ASCC1: variants seen among roughly 807,000 people sequenced by gnomAD.
The protein encoded by ASCC1 is activating signal cointegrator 1 complex subunit 1.
In ASCC1, 35 loss-of-function variants were observed where a neutral mutation model predicts 46.6. The observed-to-expected ratio is 0.75, with a 90% CI of 0.57 to 0.99. The LOEUF (loss-of-function observed/expected upper bound fraction) is 0.99, where lower values mean the gene tolerates loss of function less well. Among genes scored for constraint, ASCC1 ranks in the 50% least tolerant of loss-of-function variants. The probability of loss-of-function intolerance (pLI) is 0.00; values close to 1 mark genes in which losing one functional copy is unlikely to be tolerated. For synonymous variants in ASCC1, 143 were observed against 146.6 expected (o/e 0.98, Z 0.18); for missense variants, 376 against 428.7 (o/e 0.88, Z 1.09).
chr10:72,196,697 CT>C, intron 5 of ASCC1, 113 bp downstream of exon 5: 3 of 1,090,192 alleles, frequency 2.8e-6, no homozygotes, highest in Non-Finnish European at 4.0e-6. Context: ...AAATAGTTAT[CT>C]TTTTTGGTGG....
chr10:72,166,510 A>C (rs548007770), intron 5 of ASCC1, among the ~76,000 whole-genome samples: 25 of 151,236 alleles, frequency 1.7e-4, no homozygotes, highest in Middle Eastern at 3.4e-3. Flanking sequence ...ACAAAAAAAA[A>C]ACAAAACCCA....
At chr10:72,188,575 A>C (rs547340159) in intron 5 of ASCC1, among the ~76,000 whole-genome samples, 143 of 152,336 alleles carry the variant, frequency 9.4e-4, no homozygotes, top group Admixed American at 1.5e-3. Flanking sequence ...AAAGAAGAAA[A>C]GATCTTGTAA....
intron 7 of ASCC1, among the ~76,000 whole-genome samples, chr10:72,151,497 T>C (rs1038465394): frequency 6.6e-6 from 1 of 151,842 alleles, no homozygotes; most frequent in African/African-American, 2.4e-5. Context: ...CTAATGTAAA[T>C]GACGAGTTAA....
At position 72,178,962 on chromosome 10, in the gene ASCC1, T is replaced by C. The variant is rs76011253; in HGVS notation, c.490-17288A>G. On this transcript the variant is annotated intron_variant, in intron 5 of 9. Coordinates refer to ENST00000672957, the MANE Select transcript of ASCC1 (RefSeq NM_001198800.3). ...CAGAAGATGAAGAGTCTCACCTTCT[T>C]AAGTCCTGAACCAGGACTGAAGGCA... Among the ~76,000 whole-genome samples, 167 of 152,344 alleles carry C rather than the reference T, an allele frequency of 1.1e-3. 2 individuals are homozygous for C. The highest frequency in any genetic ancestry group is 8.9e-3 in the East Asian group (46 of 5,190).
chr10:72,189,858 C>T (rs868153355), intron 5 of ASCC1: 65 of 523,088 alleles, frequency 1.2e-4, no homozygotes, highest in Non-Finnish European at 2.1e-4. Context: ...CTATTTTATT[C>T]CAAATGCTTT....
At chr10:72,109,629 T>C (rs1842708997) in intron 9 of ASCC1, among the ~76,000 whole-genome samples, 1 of 152,202 alleles carries the variant, frequency 6.6e-6, no homozygotes, top group South Asian at 2.1e-4. Flanking sequence ...GTAAGGATTA[T>C]CAAGTTTAAG....
chr10:72,159,232 T>C (rs902611389), intron 6 of ASCC1: 5 of 152,232 alleles, frequency 3.3e-5, no homozygotes, highest in Admixed American at 3.3e-4. Flanking sequence ...GTTTTCATAC[T>C]GTCATGTCAA....
Position 72,096,989 on chromosome 10 carries a change from A to T in ASCC1, c.*345T>A. 2.2e-6 allele frequency: 1 copy of T among 456,198 alleles called. No homozygotes were observed. The highest frequency in any genetic ancestry group is 4.4e-6 in the Non-Finnish European group (1 of 228,214). 28.3% of individuals were successfully genotyped at this position (456,198 alleles called of 1,614,324 possible). ...ATGGAGATGGACGGCGGTGACGGCC[A>T]CACAGCATTATGAATGTATTAACAG... On this transcript the variant is annotated 3_prime_UTR_variant, in exon 10 of 10. Transcript: ENST00000672957.
chr10:72,099,885 G>C (rs1306452410), intron 9 of ASCC1, among the ~76,000 whole-genome samples: 1 of 151,832 alleles, frequency 6.6e-6, no homozygotes, highest in African/African-American at 2.4e-5. Flanking sequence ...CACTGAGCAG[G>C]GTTTAAAAAA....
chr10:72,172,619 T>TACAG (rs1833611286), intron 5 of ASCC1, among the ~76,000 whole-genome samples: 1 of 146,860 alleles, frequency 6.8e-6, no homozygotes, highest in Admixed American at 7.0e-5. Context: ...GCGCTGGGAT[T>TACAG]ACAGGCATGA....
At chr10:72,117,064 C>T (rs1296871426) in intron 9 of ASCC1, among the ~76,000 whole-genome samples, 2 of 152,188 alleles carry the variant, frequency 1.3e-5, no homozygotes, top group Non-Finnish European at 2.9e-5. Flanking sequence ...TCCCAAAGTG[C>T]TGGGATTACA....
chr10:72,148,434 A>T (rs1009356948), intron 7 of ASCC1, among the ~76,000 whole-genome samples: 1 of 152,228 alleles, frequency 6.6e-6, no homozygotes, highest in Non-Finnish European at 1.5e-5. Flanking sequence ...ACTTAAAAGA[A>T]CCACAGACAA....
rs1183851531 is a variant in ASCC1, at chr10:72,216,213, GGAC to G, written c.-43_-41del. On this transcript the variant is annotated 5_prime_UTR_variant, in exon 1 of 10. Transcript: ENST00000672957. ...TTAACCCCCAGGATCCTACCTGCAG[GGAC>G]TAGAAAAATGGAGAAGGTAGGAGGA... 1.3e-5 allele frequency: 2 copies of G among 155,434 alleles called. No homozygotes were observed. Among genetic ancestry groups the G allele is most frequent in the Non-Finnish European group, 2.9e-5 (2 of 70,024 alleles). The allele number at this position is 155,434 out of a possible 1,614,324, so 9.6% of individuals were successfully genotyped here.
At chr10:72,098,369 G>A (rs1478732943) in intron 9 of ASCC1, among the ~76,000 whole-genome samples, 3 of 152,214 alleles carry the variant, frequency 2.0e-5, no homozygotes, top group African/African-American at 7.2e-5. Flanking sequence ...AGCCTTGGTT[G>A]TTTTTTAGAG....
chr10:72,126,671 C>T (rs1374777561), intron 9 of ASCC1, among the ~76,000 whole-genome samples: 1 of 152,192 alleles, frequency 6.6e-6, no homozygotes, highest in Non-Finnish European at 1.5e-5. Flanking sequence ...AGTCTATTTT[C>T]TTTCTTAACC....
At chr10:72,157,505 A>G (rs757965883) in intron 6 of ASCC1, among the ~76,000 whole-genome samples, 1 of 152,212 alleles carries the variant, frequency 6.6e-6, no homozygotes, top group Non-Finnish European at 1.5e-5. Context: ...TAAGGTCAAC[A>G]GAAGAAAGAC....
intron 7 of ASCC1, among the ~76,000 whole-genome samples, chr10:72,141,226 G>A (rs1846972469): frequency 6.6e-6 from 1 of 151,986 alleles, no homozygotes; most frequent in African/African-American, 2.4e-5. Context: ...TTCTTCTATT[G>A]CTCTCTCTTC....
Position 72,096,889 on chromosome 10 carries a change from G to A in ASCC1, c.*445C>T. ...AACCAGAGAGACAGAAAGCAGAATG[G>A]TGGCTGCGGGGGCTGGGAGGAGTGG... On this transcript the variant is annotated 3_prime_UTR_variant, in exon 10 of 10. Transcript: ENST00000672957. The A allele has an allele frequency of 2.2e-6, 1 of 454,112 alleles. No homozygotes were observed. Among genetic ancestry groups the A allele is most frequent in the South Asian group, 1.6e-5 (1 of 64,468 alleles). The allele number at this position is 454,112 out of a possible 1,614,324, so 28.1% of individuals were successfully genotyped here.
At chr10:72,112,878 CAAAAA>C (rs60754683) in intron 9 of ASCC1, among the ~76,000 whole-genome samples, 1 of 82,838 alleles carries the variant, frequency 1.2e-5, no homozygotes, top group Non-Finnish European at 2.3e-5. Flanking sequence ...ACTCTGCCTC[CAAAAA>C]AAAAAAAAAA....
Sources: allele counts gnomAD v4.1 joint callset (sites outside exome capture counted in the v4.1 genomes callset), GRCh38; gene constraint gnomAD v4.1.1; transcripts MANE v1.5; gene names NCBI Gene and HGNC (gene_info 2026-07-23, HGNC 2026-07-21).